The following MSRB3 variants were observed in gnomAD, a reference collection of about 807,000 sequenced individuals.
The protein encoded by MSRB3 is methionine-R-sulfoxide reductase B3.
MSRB3 carries 13 observed loss-of-function variants against 21.0 expected under a neutral mutation model. That is an observed-to-expected ratio of 0.62 (90% CI 0.40 to 0.98). MSRB3 has a LOEUF of 0.98. MSRB3 is among the 50% of genes least tolerant of loss of function. The pLI is 0.00. For missense variants in MSRB3, 199 were observed against 230.3 expected (o/e 0.86, Z 0.88); for synonymous variants, 87 against 88.6 (o/e 0.98, Z 0.10).
chr12:65,459,462 T>C (rs555704722), intron 6 of MSRB3, among the ~76,000 whole-genome samples: 3 of 152,298 alleles, frequency 2.0e-5, no homozygotes, highest in Non-Finnish European at 4.4e-5. Flanking sequence ...AATGCTAAAC[T>C]GGTGACTTCA....
intron 5 of MSRB3, among the ~76,000 whole-genome samples, chr12:65,435,929 A>G (rs1882094799): frequency 6.6e-6 from 1 of 151,876 alleles, no homozygotes. Context: ...ATACAATTAA[A>G]CTGTATCTTC....
intron 4 of MSRB3, among the ~76,000 whole-genome samples, chr12:65,350,263 A>G (rs1394792893): frequency 2.0e-5 from 3 of 151,402 alleles, no homozygotes; most frequent in African/African-American, 7.3e-5. Flanking sequence ...TGTTCCATTG[A>G]TCTATATCTC....
chr12:65,394,464 C>A (rs921470601), intron 5 of MSRB3, among the ~76,000 whole-genome samples: 2 of 152,114 alleles, frequency 1.3e-5, no homozygotes, highest in African/African-American at 4.8e-5. Flanking sequence ...AAACTACCCA[C>A]AAAAACAACT....
chr12:65,451,002 A>T (rs1882833223), intron 5 of MSRB3, among the ~76,000 whole-genome samples: 1 of 152,218 alleles, frequency 6.6e-6, no homozygotes, highest in Admixed American at 6.5e-5. Context: ...TTTGTATAGA[A>T]TGTCACTTTT....
At chr12:65,419,137 A>G (rs1881140260) in intron 5 of MSRB3, 1 of 682,154 alleles carries the variant, frequency 1.5e-6, no homozygotes, top group East Asian at 2.7e-5. Context: ...TGTTGAGAGC[A>G]TCATCTCAAC....
At chr12:65,360,169 C>T (rs115298861) in intron 4 of MSRB3, among the ~76,000 whole-genome samples, 1,723 of 152,148 alleles carry the variant, frequency 0.011, 34 homozygotes, top group African/African-American at 0.04. Flanking sequence ...TTGATTAACT[C>T]TTTAAAAATG....
intron 5 of MSRB3, among the ~76,000 whole-genome samples, chr12:65,428,021 T>C (rs557251560): frequency 1.6e-3 from 251 of 152,216 alleles, no homozygotes; most frequent in African/African-American, 5.6e-3. Flanking sequence ...CTTAGGGGAT[T>C]TGGAGAGTTG....
chr12:65,300,788 A>G (rs1038547573), intron 1 of MSRB3, among the ~76,000 whole-genome samples: 3 of 152,220 alleles, frequency 2.0e-5, no homozygotes, highest in Non-Finnish European at 4.4e-5. Context: ...AGCAGCCACC[A>G]TCTAATTATA....
chr12:65,355,003 G>T (rs1222135601), intron 4 of MSRB3, among the ~76,000 whole-genome samples: 1 of 151,780 alleles, frequency 6.6e-6, no homozygotes, highest in Non-Finnish European at 1.5e-5. Context: ...TTCATGGAAA[G>T]ATTTTAATTT....
At chr12:65,375,968 CT>C (rs1187056977) in intron 5 of MSRB3, among the ~76,000 whole-genome samples, 1 of 150,754 alleles carries the variant, frequency 6.6e-6, no homozygotes, top group African/African-American at 2.4e-5. Flanking sequence ...ATTTTTGTGG[CT>C]TTTTTGTTGG....
chr12:65,461,365 TTGA>T (rs1366109325), intron 6 of MSRB3, among the ~76,000 whole-genome samples: 1 of 152,252 alleles, frequency 6.6e-6, no homozygotes, highest in East Asian at 1.9e-4. Flanking sequence ...CCTGTCAGCC[TTGA>T]TATTACCTAA....
intron 4 of MSRB3, among the ~76,000 whole-genome samples, chr12:65,332,778 A>G (rs974145632): frequency 6.6e-6 from 1 of 152,242 alleles, no homozygotes; most frequent in Non-Finnish European, 1.5e-5. Context: ...CTCACAAAAA[A>G]GGCTATTCAA....
intron 5 of MSRB3, among the ~76,000 whole-genome samples, chr12:65,399,368 A>G (rs556552686): frequency 7.9e-5 from 12 of 152,196 alleles, no homozygotes; most frequent in African/African-American, 2.9e-4. Context: ...CTTTGTACCT[A>G]TTGTGAATGG....
intron 5 of MSRB3, among the ~76,000 whole-genome samples, chr12:65,391,596 A>T (rs1879485654): frequency 6.6e-6 from 1 of 152,234 alleles, no homozygotes; most frequent in South Asian, 2.1e-4. Flanking sequence ...ATGGCCAGTA[A>T]GTGATAAACA....
rs182170488 is a variant in MSRB3 at position 65,437,077 on chromosome 12, A to G, written c.293-16651A>G. 4.4e-3 allele frequency among the ~76,000 whole-genome samples: 674 copies of G among 152,028 alleles called. 4 individuals carry two copies. The highest frequency in any genetic ancestry group is 0.015 in the African/African-American group (627 of 41,516). ...GAGATGGTCCTGTGTGTGGCCTTAT[A>G]CTTTCTATTCCAGTTTTTCTGAACC... On this transcript the variant is annotated intron_variant, in intron 5 of 6. Coordinates refer to ENST00000308259, the MANE Select transcript of MSRB3 (RefSeq NM_001031679.3).
chr12:65,431,444 C>A (rs527729525), intron 5 of MSRB3, among the ~76,000 whole-genome samples: 49 of 152,048 alleles, frequency 3.2e-4, no homozygotes, highest in African/African-American at 1.1e-3. Flanking sequence ...TACATCCCAG[C>A]GATTTAATGT....
At chr12:65,399,291 G>T (rs1237206610) in intron 5 of MSRB3, among the ~76,000 whole-genome samples, 1 of 152,126 alleles carries the variant, frequency 6.6e-6, no homozygotes, top group African/African-American at 2.4e-5. Flanking sequence ...TTGAGCAGTG[G>T]TTTGTAGTTC....
chr12:65,367,017 A>T (rs568300306), intron 4 of MSRB3, among the ~76,000 whole-genome samples: 3 of 152,308 alleles, frequency 2.0e-5, no homozygotes, highest in African/African-American at 4.8e-5. Context: ...AGTGGGCAGT[A>T]TGTCCAATGA....
At chr12:65,413,646 G>A (rs1880827863) in intron 5 of MSRB3, among the ~76,000 whole-genome samples, 2 of 152,174 alleles carry the variant, frequency 1.3e-5, no homozygotes, top group Admixed American at 1.3e-4. Flanking sequence ...CTTGATGTAC[G>A]TTAGTAAACA....
Sources: gnomAD v4.1 joint callset for allele counts (sites outside exome capture counted in the v4.1 genomes callset) on GRCh38, gnomAD v4.1.1 for gene constraint, MANE v1.5 for transcripts, NCBI Gene and HGNC (gene_info 2026-07-23, HGNC 2026-07-21) for gene names.